RABGAP1L: variants seen among roughly 807,000 people sequenced by gnomAD.
RABGAP1L encodes RAB GTPase activating protein 1 like, also known as rab GTPase-activating protein 1-like.
RABGAP1L carries 63 observed loss-of-function variants against 137.7 expected under a neutral mutation model. The ratio of observed to expected loss-of-function variants is 0.46; its 90% confidence interval spans 0.37 to 0.56. The LOEUF (loss-of-function observed/expected upper bound fraction) is 0.56, where lower values mean the gene tolerates loss of function less well. Among genes scored for constraint, RABGAP1L ranks in the 20% least tolerant of loss-of-function variants. RABGAP1L has a pLI of 0.00. For missense variants in RABGAP1L, 1,095 were observed against 1,244.0 expected (o/e 0.88, Z 1.80); for synonymous variants, 431 against 433.7 (o/e 0.99, Z 0.08).
intron 24 of RABGAP1L, among the ~76,000 whole-genome samples, chr1:174,984,361 A>G (rs186579228): frequency 6.6e-6 from 1 of 152,378 alleles, no homozygotes; most frequent in East Asian, 1.9e-4. Context: ...TTTGTTATAG[A>G]AATTACACAT....
chr1:174,400,646 G>T (rs1648459478), intron 13 of RABGAP1L, among the ~76,000 whole-genome samples: 2 of 152,112 alleles, frequency 1.3e-5, no homozygotes, highest in Non-Finnish European at 2.9e-5. Flanking sequence ...TTGTTGGGGA[G>T]AGCTATAAGC....
At chr1:174,301,268 CACCCAGG>C (rs1411648245) in intron 10 of RABGAP1L, among the ~76,000 whole-genome samples, 1 of 151,702 alleles carries the variant, frequency 6.6e-6, no homozygotes, top group South Asian at 2.1e-4. Context: ...GAGGACACAG[CACCCAGG>C]CAGGGGTGCT....
At chr1:174,452,440 G>A (rs1655548538) in intron 13 of RABGAP1L, among the ~76,000 whole-genome samples, 1 of 152,150 alleles carries the variant, frequency 6.6e-6, no homozygotes, top group Admixed American at 6.5e-5. Flanking sequence ...TCAGAGACTT[G>A]TAGCTCTCTG....
intron 11 of RABGAP1L, among the ~76,000 whole-genome samples, chr1:174,350,684 G>A (rs1246845696): frequency 4.8e-5 from 2 of 41,452 alleles, no homozygotes; most frequent in African/African-American, 9.5e-5. Context: ...CTTCCCAGAC[G>A]GGGTGGCGGC....
chr1:174,774,283 G>A lies in RABGAP1L; in HGVS notation c.2211+21929G>A, dbSNP rs139935187. On this transcript the variant is annotated intron_variant, in intron 18 of 25. Coordinates refer to ENST00000681986, the MANE Select transcript of RABGAP1L (RefSeq NM_001366446.1). ...ATAAAGTCATTTATTTGTGTCATAC[G>A]TAAGCTTGATTAAGAAGGTTTTTAT... is the stretch of plus-strand genomic sequence containing the variant. Among the ~76,000 whole-genome samples the A allele has an allele frequency of 8.5e-5, 13 of 152,158 alleles. No individual in the cohort carries two copies. The East Asian group carries it at 2.3e-3, about 27-fold the overall frequency.
At chr1:174,930,568 TG>T (rs1663627611) in intron 19 of RABGAP1L, among the ~76,000 whole-genome samples, 1 of 152,196 alleles carries the variant, frequency 6.6e-6, no homozygotes, top group East Asian at 1.9e-4. Context: ...CCTCCCACCT[TG>T]GCCTTCCAAA....
intron 13 of RABGAP1L, among the ~76,000 whole-genome samples, chr1:174,632,749 C>A (rs556421903): frequency 0.023 from 3,298 of 144,654 alleles, 62 homozygotes; most frequent in Non-Finnish European, 0.035. Context: ...TCCATCAGCT[C>A]CTTTAAGCAC....
intron 13 of RABGAP1L, among the ~76,000 whole-genome samples, chr1:174,479,664 A>G (rs375332249): frequency 6.6e-6 from 1 of 152,164 alleles, no homozygotes; most frequent in Non-Finnish European, 1.5e-5. Flanking sequence ...ATAAATTTGC[A>G]TGCTTTTCTT....
chr1:174,751,310 G>C (rs1193026193), intron 17 of RABGAP1L, among the ~76,000 whole-genome samples: 1 of 152,114 alleles, frequency 6.6e-6, no homozygotes, highest in Non-Finnish European at 1.5e-5. Flanking sequence ...CCTAATCCTT[G>C]CTTCTGGAGT....
chr1:174,583,418 C>CT lies in RABGAP1L; in HGVS notation c.1711-53950dup, dbSNP rs541907361. On this transcript the variant is annotated intron_variant, in intron 13 of 25. Transcript: ENST00000681986. Reference sequence around the variant, plus strand: ...GTGTTCTAAGATAGTGGTGATCAAACTTTTTTTACCCTCCCCATACATATA... The same window carrying CT: ...GTGTTCTAAGATAGTGGTGATCAAACTTTTTTTTACCCTCCCCATACATATA... Among the ~76,000 whole-genome samples the CT allele has an allele frequency of 3.1e-3, 468 of 152,210 alleles. 3 individuals carry two copies. The highest frequency in any genetic ancestry group is 0.011 in the African/African-American group (451 of 41,522).
intron 13 of RABGAP1L, among the ~76,000 whole-genome samples, chr1:174,461,931 A>T (rs1028949052): frequency 6.6e-6 from 1 of 152,040 alleles, no homozygotes; most frequent in African/African-American, 2.4e-5. Flanking sequence ...CATAATGTTT[A>T]TTTATATTCA....
At chr1:174,481,729 A>T (rs1659103144) in intron 13 of RABGAP1L, among the ~76,000 whole-genome samples, 1 of 152,148 alleles carries the variant, frequency 6.6e-6, no homozygotes. Context: ...TTCTTAATAT[A>T]CTGTGGTAGG....
In RABGAP1L at chr1:174,407,101, G is replaced by A. The variant is rs1459560209; in HGVS notation, c.1710+12956G>A. Among the ~76,000 whole-genome samples the A allele has an allele frequency of 2.0e-5, 3 of 152,080 alleles. No individual in the cohort carries two copies. The East Asian group carries it at 5.8e-4, about 29-fold the overall frequency. On this transcript the variant is annotated intron_variant, in intron 13 of 25. Coordinates refer to ENST00000681986, the MANE Select transcript of RABGAP1L (RefSeq NM_001366446.1). ...TTCCATTTAAATTTATGAAATTTAT[G>A]TTTAGATGTGTTTACTATTGATTAC...
intron 11 of RABGAP1L, among the ~76,000 whole-genome samples, chr1:174,311,922 C>T (rs1335755942): frequency 3.9e-5 from 6 of 152,136 alleles, no homozygotes; most frequent in Admixed American, 2.6e-4. Context: ...ATGACTGGAT[C>T]TTATTCTTTT....
chr1:174,971,799 A>G (rs1670153937), intron 21 of RABGAP1L, among the ~76,000 whole-genome samples: 1 of 152,238 alleles, frequency 6.6e-6, no homozygotes, highest in Non-Finnish European at 1.5e-5. Context: ...GTACTTTCCC[A>G]TTCCCAGTTC....
intron 19 of RABGAP1L, among the ~76,000 whole-genome samples, chr1:174,889,076 CTT>C (rs1468370082): frequency 3.3e-5 from 5 of 150,498 alleles, no homozygotes; most frequent in Non-Finnish European, 7.4e-5. Flanking sequence ...TTAATTAGCT[CTT>C]TTGTTTTCTT....
chr1:174,752,678 G>T (rs185048327), intron 18 of RABGAP1L, among the ~76,000 whole-genome samples: 120 of 152,102 alleles, frequency 7.9e-4, no homozygotes, highest in Non-Finnish European at 9.6e-4. Context: ...AATGATGCCT[G>T]CTTTTTTCTT....
rs184337766 is a variant in RABGAP1L, at chr1:174,830,114, A to C, written c.2340+18154A>C. On this transcript the variant is annotated intron_variant, in intron 19 of 25. Coordinates refer to ENST00000681986, the MANE Select transcript of RABGAP1L (RefSeq NM_001366446.1). ...CTTACTCATGCTCAGCATCTTCACA[A>C]TACTGTGATCCATGTTCTCAAGAAG... Among the ~76,000 whole-genome samples the C allele has an allele frequency of 2.8e-4, 42 of 148,164 alleles. 2 individuals carry two copies. The highest frequency in any genetic ancestry group is 8.9e-4 in the African/African-American group (36 of 40,672).
chr1:174,590,129 T>C (rs1434890136), intron 13 of RABGAP1L, among the ~76,000 whole-genome samples: 2 of 110,500 alleles, frequency 1.8e-5, no homozygotes, highest in African/African-American at 3.6e-5. Context: ...GTTTCTTTTT[T>C]TTTTTTTTTT....
Sources: allele counts gnomAD v4.1 joint callset (sites outside exome capture counted in the v4.1 genomes callset), GRCh38; gene constraint gnomAD v4.1.1; transcripts MANE v1.5; gene names NCBI Gene and HGNC (gene_info 2026-07-23, HGNC 2026-07-21).